Variants in ATRNL1 observed in about 807,000 individuals in gnomAD.
The protein encoded by ATRNL1 is attractin-like protein 1.
A neutral mutation model predicts 182.7 loss-of-function variants in ATRNL1; 95 were observed. The observed-to-expected ratio is 0.52, with a 90% confidence interval of 0.44 to 0.62. The LOEUF is 0.62. Among genes scored for constraint, ATRNL1 ranks in the 20% least tolerant of loss-of-function variants. The probability of loss-of-function intolerance (pLI) is 0.00; values close to 1 mark genes in which losing one functional copy is unlikely to be tolerated. For synonymous variants in ATRNL1, 576 were observed against 568.3 expected (o/e 1.01, Z -0.19); for missense variants, 1,471 against 1,679.5 (o/e 0.88, Z 2.17).
At chr10:115,867,775 T>C (rs1240541638) in intron 28 of ATRNL1, among the ~76,000 whole-genome samples, 2 of 151,540 alleles carry the variant, frequency 1.3e-5, no homozygotes, top group Admixed American at 1.3e-4. Context: ...TCTCACTCTG[T>C]CGCCCAGGCT....
intron 19 of ATRNL1, among the ~76,000 whole-genome samples, chr10:115,349,456 CCTT>C (rs1856129736): frequency 6.6e-6 from 1 of 152,094 alleles, no homozygotes; most frequent in East Asian, 1.9e-4. Flanking sequence ...TACTGATTTT[CCTT>C]CTTTTGGATA....
rs782199689 is a variant in ATRNL1, at chr10:115,394,622, G to A, written c.3176-37G>A. On this transcript the variant is annotated intron_variant, in intron 19 of 28. Coordinates refer to ENST00000355044, the MANE Select transcript of ATRNL1 (RefSeq NM_207303.4). ...AATGTGAAATGTGCATGTTTGTGAT[G>A]TAGAATATTCAATATCATTTTGGTT... The A allele has an allele frequency of 7.8e-6, 11 of 1,418,564 alleles. No homozygotes were observed. The South Asian group carries it at 9.2e-5, about 12-fold the overall frequency. The allele number at this position is 1,418,564 out of a possible 1,614,324, so 87.9% of individuals were successfully genotyped here. A position where few individuals can be genotyped will look rare whatever the true frequency, so the allele number is the denominator to read the frequency against.
rs371051092 is a variant in ATRNL1, at chr10:115,250,426, A to G, written c.1687+8701A>G. Among the ~76,000 whole-genome samples the G allele has an allele frequency of 4.6e-5, 7 of 152,238 alleles. No individual in the cohort carries two copies. In the East Asian group the frequency reaches 7.7e-4, roughly 17 times the overall value. ...TAAATTCCACATACTACTTTTTCCA[A>G]CAGTGACACTACCAATAACTATAGT... On this transcript the variant is annotated intron_variant, in intron 10 of 28. Transcript: ENST00000355044.
In ATRNL1 at chr10:115,864,808, C is replaced by T. The variant is rs895407749; in HGVS notation, c.4018+16817C>T. ...CCATCCCGGCTAACACGATGAAACCCCGTCTCTATGAAAAATACAAAAAAT... is the reference window on the plus strand; with the variant it reads ...CCATCCCGGCTAACACGATGAAACCTCGTCTCTATGAAAAATACAAAAAAT... On this transcript the variant is annotated intron_variant, in intron 28 of 28. Transcript: ENST00000355044. Among the ~76,000 whole-genome samples, 3 of 152,100 alleles carry T rather than the reference C, an allele frequency of 2.0e-5. No individual in the cohort carries two copies. In the South Asian group the frequency reaches 6.2e-4, roughly 32 times the overall value.
At chr10:115,378,435 C>T (rs566142448) in intron 19 of ATRNL1, among the ~76,000 whole-genome samples, 1 of 152,244 alleles carries the variant, frequency 6.6e-6, no homozygotes, top group South Asian at 2.1e-4. Context: ...CTCAGATGGG[C>T]TTGTTTCCCA....
At chr10:115,748,802 A>G (rs987551928) in intron 27 of ATRNL1, among the ~76,000 whole-genome samples, 1 of 151,922 alleles carries the variant, frequency 6.6e-6, no homozygotes, top group Non-Finnish European at 1.5e-5. Context: ...AATCGATTAT[A>G]CAGCATTATG....
In ATRNL1 at chr10:115,738,825, C is replaced by A. The variant is rs78015530; in HGVS notation, c.3903+11470C>A. 7.2e-3 allele frequency among the ~76,000 whole-genome samples: 1,101 copies of A among 152,066 alleles called. 19 individuals are homozygous for A. The highest frequency in any genetic ancestry group is 0.025 in the African/African-American group (1,040 of 41,508). ...TGGTTTTAAGTTAATATAATCTGAACTTTAAGCATGATAAAAGTCATTTGT... is the reference window on the plus strand; with the variant it reads ...TGGTTTTAAGTTAATATAATCTGAAATTTAAGCATGATAAAAGTCATTTGT... On this transcript the variant is annotated intron_variant, in intron 27 of 28. Transcript: ENST00000355044.
intron 1 of ATRNL1, among the ~76,000 whole-genome samples, chr10:115,094,648 G>A (rs2084967967): frequency 4.6e-5 from 7 of 152,160 alleles, no homozygotes. Flanking sequence ...CAACAACTCT[G>A]TGAGTTGCTA....
intron 26 of ATRNL1, among the ~76,000 whole-genome samples, chr10:115,572,998 A>C (rs1854492042): frequency 6.6e-6 from 1 of 152,156 alleles, no homozygotes; most frequent in Non-Finnish European, 1.5e-5. Flanking sequence ...CCAGTTTTGC[A>C]AAGCTCTTTC....
At chr10:115,702,172 A>G (rs1593091873) in intron 26 of ATRNL1, among the ~76,000 whole-genome samples, 1 of 152,056 alleles carries the variant, frequency 6.6e-6, no homozygotes, top group African/African-American at 2.4e-5. Context: ...CAAAAAGTTT[A>G]TGATCATCTC....
intron 26 of ATRNL1, among the ~76,000 whole-genome samples, chr10:115,672,623 C>T (rs74158238): frequency 2.6e-5 from 4 of 152,042 alleles, no homozygotes; most frequent in East Asian, 3.9e-4. Context: ...TCTTAGATTT[C>T]GATTTTCAAA....
At chr10:115,601,953 CTAAT>C (rs782456280) in intron 26 of ATRNL1, among the ~76,000 whole-genome samples, 1 of 151,024 alleles carries the variant, frequency 6.6e-6, no homozygotes, top group Non-Finnish European at 1.5e-5. Flanking sequence ...TTTTTTCAGG[CTAAT>C]TGAGTACTTT....
intron 19 of ATRNL1, among the ~76,000 whole-genome samples, chr10:115,373,016 C>CATTT (rs1424156379): frequency 3.1e-4 from 47 of 152,108 alleles, no homozygotes; most frequent in Admixed American, 2.6e-3. Context: ...GATATTGTTC[C>CATTT]ATTTATTTGT....
intron 4 of ATRNL1, among the ~76,000 whole-genome samples, chr10:115,128,141 C>T (rs951227358): frequency 8.5e-5 from 13 of 152,144 alleles, no homozygotes; most frequent in Non-Finnish European, 1.8e-4. Context: ...GAAAGCTATG[C>T]ATACATTATG....
intron 9 of ATRNL1, among the ~76,000 whole-genome samples, chr10:115,231,109 TG>T (rs1849932581): frequency 6.6e-6 from 1 of 152,018 alleles, no homozygotes. Context: ...GTTAAATAGG[TG>T]GCTGGATGTA....
At chr10:115,921,230 T>C (rs1953049895) in intron 28 of ATRNL1, among the ~76,000 whole-genome samples, 1 of 151,944 alleles carries the variant, frequency 6.6e-6, no homozygotes, top group Non-Finnish European at 1.5e-5. Context: ...CTAAAAGGGG[T>C]GGTTTAAAAA....
chr10:115,417,977 A>G (rs556548764), intron 20 of ATRNL1, among the ~76,000 whole-genome samples: 16 of 152,322 alleles, frequency 1.1e-4, no homozygotes, highest in South Asian at 4.1e-4. Flanking sequence ...GAAGACTGGA[A>G]TAAACACCTG....
intron 27 of ATRNL1, among the ~76,000 whole-genome samples, chr10:115,846,010 A>T (rs1189648257): frequency 6.6e-6 from 1 of 152,100 alleles, no homozygotes; most frequent in Non-Finnish European, 1.5e-5. Flanking sequence ...AGACAAACCT[A>T]TTCTCTAAAT....
At chr10:115,597,603 A>G (rs782164236) in intron 26 of ATRNL1, 5 of 377,270 alleles carry the variant, frequency 1.3e-5, no homozygotes, top group East Asian at 1.1e-4. Flanking sequence ...ACAGAGTCAC[A>G]CTCTTGTCAC....
Sources: gnomAD v4.1 joint callset for allele counts (sites outside exome capture counted in the v4.1 genomes callset) on GRCh38, gnomAD v4.1.1 for gene constraint, MANE v1.5 for transcripts, NCBI Gene and HGNC (gene_info 2026-07-23, HGNC 2026-07-21) for gene names.